The following SRGAP3 variants were observed in gnomAD, a reference collection of about 807,000 sequenced individuals.
SRGAP3 encodes the protein SLIT-ROBO Rho GTPase-activating protein 3.
In SRGAP3, 39 loss-of-function variants were observed where a neutral mutation model predicts 121.1. The observed-to-expected ratio is 0.32, with a 90% CI of 0.25 to 0.42. The LOEUF (loss-of-function observed/expected upper bound fraction) is 0.42. SRGAP3 is among the 10% of genes least tolerant of loss of function. The pLI, the probability that SRGAP3 is intolerant of heterozygous loss-of-function variation, is 1.00. For synonymous variants in SRGAP3, 601 were observed against 570.0 expected (o/e 1.05, Z -0.77); for missense variants, 1,213 against 1,470.6 (o/e 0.82, Z 2.86).
At chr3:9,226,289 T>C (rs750949905) in intron 1 of SRGAP3, among the ~76,000 whole-genome samples, 1 of 152,232 alleles carries the variant, frequency 6.6e-6, no homozygotes, top group Admixed American at 6.5e-5. Context: ...ACTTTTGTTA[T>C]GGAAATTATT....
At chr3:9,197,058 CAAGAA>C (rs1010554331) in intron 1 of SRGAP3, among the ~76,000 whole-genome samples, 2 of 152,194 alleles carry the variant, frequency 1.3e-5, no homozygotes, top group Non-Finnish European at 2.9e-5. Flanking sequence ...TCACTCACGA[CAAGAA>C]AAGCCACCTT....
At chr3:9,230,094 A>C (rs575459709) in intron 1 of SRGAP3, among the ~76,000 whole-genome samples, 1 of 152,210 alleles carries the variant, frequency 6.6e-6, no homozygotes, top group African/African-American at 2.4e-5. Context: ...CGGCTCTTAC[A>C]GTTGTGATTT....
Position 9,049,963 on chromosome 3 carries a change from C to T in SRGAP3, c.1324-2488G>A, listed in dbSNP as rs559585264. 4.2e-4 allele frequency among the ~76,000 whole-genome samples: 64 copies of T among 151,278 alleles called. No individual in the cohort carries two copies. The Middle Eastern group carries it at 0.014, about 32-fold the overall frequency. ...CCCAAGTAGCTGGGACCTCAGCCTCCCAAGTAGCTGGGACTACAGCCACAC... is the reference window on the plus strand; with the variant it reads ...CCCAAGTAGCTGGGACCTCAGCCTCTCAAGTAGCTGGGACTACAGCCACAC... On this transcript the variant is annotated intron_variant, in intron 9 of 21. Coordinates refer to ENST00000383836, the MANE Select transcript of SRGAP3 (RefSeq NM_014850.4).
intron 3 of SRGAP3, among the ~76,000 whole-genome samples, chr3:9,270,075 T>C (rs1954443560): frequency 1.3e-5 from 2 of 152,128 alleles, no homozygotes; most frequent in Admixed American, 6.6e-5. Flanking sequence ...AATTTTGCTT[T>C]CTGGGTTCTG....
intron 18 of SRGAP3, among the ~76,000 whole-genome samples, chr3:9,004,811 A>G (rs7621111): frequency 0.03 from 4,631 of 152,264 alleles, 217 homozygotes; most frequent in African/African-American, 0.1. Context: ...AAACTCTAAA[A>G]CTCTTAAAAG....
intron 14 of SRGAP3, among the ~76,000 whole-genome samples, chr3:9,019,167 A>G (rs182629185): frequency 3.7e-4 from 57 of 152,316 alleles, no homozygotes; most frequent in Admixed American, 3.7e-3. Context: ...ATATTGCCAC[A>G]GTGAATAGTC....
chr3:9,224,760 C>T (rs1952930004), intron 1 of SRGAP3, among the ~76,000 whole-genome samples: 1 of 152,152 alleles, frequency 6.6e-6, no homozygotes, highest in Non-Finnish European at 1.5e-5. Flanking sequence ...CTAGAAATAA[C>T]TCAGAACAGC....
Position 9,121,065 on chromosome 3 carries a change from G to C in SRGAP3, c.260+3660C>G, listed in dbSNP as rs146776911. Among the ~76,000 whole-genome samples the C allele has an allele frequency of 6.0e-3, 919 of 152,282 alleles. 3 individuals are homozygous for C. The highest frequency in any genetic ancestry group is 0.014 in the Middle Eastern group (4 of 294). On this transcript the variant is annotated intron_variant, in intron 2 of 21. Coordinates refer to ENST00000383836, the MANE Select transcript of SRGAP3 (RefSeq NM_014850.4). ...ATCCCAGTTCTGCTCCTAATTTACT[G>C]TAAAATCTTGGGCAAATCAGTTCCA...
At chr3:9,152,403 G>GTC (rs942718561) in intron 1 of SRGAP3, among the ~76,000 whole-genome samples, 10 of 151,892 alleles carry the variant, frequency 6.6e-5, no homozygotes, top group African/African-American at 9.7e-5. Context: ...CTCTCTCTGT[G>GTC]TCTCTCTCTC....
At chr3:9,005,285 A>G (rs1047074670) in intron 18 of SRGAP3, among the ~76,000 whole-genome samples, 1 of 152,224 alleles carries the variant, frequency 6.6e-6, no homozygotes, top group Non-Finnish European at 1.5e-5. Flanking sequence ...AACAAGTGCT[A>G]GCAAGGATAT....
chr3:9,252,493 G>A (rs1954040053), upstream of SRGAP3, among the ~76,000 whole-genome samples: 1 of 152,010 alleles, frequency 6.6e-6, no homozygotes, highest in African/African-American at 2.4e-5. Flanking sequence ...ACAGGGCCCA[G>A]CCAAGCCAGA....
chr3:9,129,712 C>G (rs1270624038), intron 1 of SRGAP3, among the ~76,000 whole-genome samples: 1 of 151,992 alleles, frequency 6.6e-6, no homozygotes, highest in Non-Finnish European at 1.5e-5. Flanking sequence ...CAGATTCTCC[C>G]AGCACATAAT....
At chr3:9,137,212 AC>A (rs1949696672) in intron 1 of SRGAP3, among the ~76,000 whole-genome samples, 1 of 152,170 alleles carries the variant, frequency 6.6e-6, no homozygotes, top group Non-Finnish European at 1.5e-5. Context: ...TGCCATATGT[AC>A]TATACCAAGT....
chr3:9,179,648 C>T (rs962105131), intron 1 of SRGAP3, among the ~76,000 whole-genome samples: 1 of 152,248 alleles, frequency 6.6e-6, no homozygotes, highest in Admixed American at 6.5e-5. Flanking sequence ...TTTGCTTTCT[C>T]ATCTGTACAA....
intron 3 of SRGAP3, among the ~76,000 whole-genome samples, chr3:9,284,311 A>C (rs914741870): frequency 6.6e-6 from 1 of 152,242 alleles, no homozygotes. Context: ...GAGATTTAAT[A>C]AATTAATAAT....
chr3:9,183,582 C>A (rs922366861), intron 1 of SRGAP3, among the ~76,000 whole-genome samples: 5 of 152,124 alleles, frequency 3.3e-5, no homozygotes, highest in Admixed American at 2.0e-4. Flanking sequence ...TTACTTGGGG[C>A]AGATGGCAAA....
At chr3:9,322,712 G>A (rs552693562) in intron 3 of SRGAP3, among the ~76,000 whole-genome samples, 91 of 151,562 alleles carry the variant, frequency 6.0e-4, no homozygotes, top group African/African-American at 2.1e-3. Context: ...ACCCCCCACC[G>A]TCCATGGAAA....
At chr3:9,045,439 G>A (rs183065648) in intron 10 of SRGAP3, among the ~76,000 whole-genome samples, 109 of 152,200 alleles carry the variant, frequency 7.2e-4, no homozygotes, top group Non-Finnish European at 1.9e-4. Flanking sequence ...AGAGCAAGGC[G>A]TAGTTGAAGG....
At chr3:9,149,933 C>T (rs1950158910) in intron 1 of SRGAP3, among the ~76,000 whole-genome samples, 1 of 152,282 alleles carries the variant, frequency 6.6e-6, no homozygotes, top group South Asian at 2.1e-4. Flanking sequence ...ATTCATTCAC[C>T]ATGGGTTTGT....
Sources: gnomAD v4.1 joint callset for allele counts (sites outside exome capture counted in the v4.1 genomes callset) on GRCh38, gnomAD v4.1.1 for gene constraint, MANE v1.5 for transcripts, NCBI Gene and HGNC (gene_info 2026-07-23, HGNC 2026-07-21) for gene names.